The following SLF2 variants were observed in gnomAD, a reference collection of about 807,000 sequenced individuals.
The protein encoded by SLF2 is SMC5-SMC6 complex localization factor protein 2.
Under a neutral mutation model 124.3 loss-of-function variants are expected in SLF2, and 68 were observed. The observed-to-expected ratio is 0.55, with a 90% CI of 0.45 to 0.67. The LOEUF (loss-of-function observed/expected upper bound fraction) is 0.67, where lower values mean the gene tolerates loss of function less well. SLF2 is among the 30% of genes least tolerant of loss of function. SLF2 has a pLI of 0.00. For missense variants in SLF2, 1,246 were observed against 1,373.7 expected (o/e 0.91, Z 1.47); for synonymous variants, 480 against 478.8 (o/e 1.00, Z -0.03).
chr10:100,950,844 T>C (rs1850197597), intron 17 of SLF2, 91 bp downstream of exon 17: 1 of 988,094 alleles, frequency 1.0e-6, no homozygotes, highest in Non-Finnish European at 1.6e-6. Context: ...GAGAAAACTA[T>C]GTAAACTTTT....
chr10:100,959,932 T>C lies in SLF2; in HGVS notation c.3486+436T>C, dbSNP rs530255551. Among the ~76,000 whole-genome samples, 8 of 152,300 alleles carry C rather than the reference T, an allele frequency of 5.3e-5. No homozygotes were observed. The East Asian group carries it at 1.5e-3, about 29-fold the overall frequency. On this transcript the variant is annotated intron_variant, in intron 19 of 19. Coordinates refer to ENST00000238961, the MANE Select transcript of SLF2 (RefSeq NM_018121.4). Reference sequence around the variant, plus strand: ...ACCCATTAGCAGTCATTCATTCCCCTTTCCTCTACTACCTTGGTTCCCCTC... The same window carrying C: ...ACCCATTAGCAGTCATTCATTCCCCCTTCCTCTACTACCTTGGTTCCCCTC...
rs764722668 is a variant in SLF2, at chr10:100,917,321, A to G, written c.915+21A>G. 13 of 1,577,222 alleles carry G rather than the reference A, an allele frequency of 8.2e-6. No homozygotes were observed. The East Asian group carries it at 2.7e-4, about 33-fold the overall frequency. ...ATGTGGTATGTGTAAGAATTATTGA[A>G]TTAGCATTGCTACTGCTATGTCATA... On this transcript the variant is annotated intron_variant, in intron 3 of 19. Coordinates refer to ENST00000238961, the MANE Select transcript of SLF2 (RefSeq NM_018121.4).
chr10:100,925,915 T>C, intron 5 of SLF2, 34 bp from the exon 6 acceptor site: 3 of 1,534,244 alleles, frequency 2.0e-6, no homozygotes, highest in East Asian at 4.5e-5. Context: ...TACTAAGACA[T>C]GTGGTAAAGT....
Position 100,937,452 on chromosome 10 carries a change from A to G in SLF2, c.2487A>G (p.Thr829=), listed in dbSNP as rs369513139. Reference sequence around the variant, plus strand: ...TTGTGTCAGTGCAGATTTTAAGTACATTGATGGAAATAACAATTAGAAATG... The same window carrying G: ...TTGTGTCAGTGCAGATTTTAAGTACGTTGATGGAAATAACAATTAGAAATG... ...DCIVSVQILS[T]LMEITIRNDT... The change falls in exon 10 of 20, where the codon ACA becomes ACG. Residue 829 remains threonine (T), a synonymous_variant. Coordinates refer to ENST00000238961, the MANE Select transcript of SLF2 (RefSeq NM_018121.4). 42 of 1,602,718 alleles carry G rather than the reference A, an allele frequency of 2.6e-5. No homozygotes were observed. Among genetic ancestry groups the G allele is most frequent in the Middle Eastern group, 1.7e-4 (1 of 5,978 alleles).
chr10:100,946,841 A>G (rs1122556), intron 13 of SLF2, among the ~76,000 whole-genome samples, 198 bp from the exon 14 acceptor site: 51,878 of 152,138 alleles, frequency 0.34, 10,487 homozygotes, highest in Middle Eastern at 0.55. Context: ...TGTTCAGTCC[A>G]TTTAAGATAG....
At chr10:100,932,714 TGTGTGTGCGCGCGCGC>T (rs1343804657) in intron 9 of SLF2, among the ~76,000 whole-genome samples, 6 of 92,692 alleles carry the variant, frequency 6.5e-5, no homozygotes, top group African/African-American at 1.7e-4. Flanking sequence ...TGTGTGTGTG[TGTGTGTGCGCGCGCGC>T]GCGCGCGCAC....
At chr10:100,919,001 CTTTTTTTTTTTTTTT>C (rs528512219) in intron 4 of SLF2, among the ~76,000 whole-genome samples, 39 of 105,684 alleles carry the variant, frequency 3.7e-4, no homozygotes, top group Middle Eastern at 8.6e-3. Flanking sequence ...GAAACATAAT[CTTTTTTTTTTTTTTT>C]TTTTTTTTTT....
rs750957414 is a variant in SLF2 at position 100,947,055 on chromosome 10, T to C, written c.2951T>C (p.Leu984Pro). 6 of 1,613,606 alleles carry C rather than the reference T, an allele frequency of 3.7e-6. No individual in the cohort carries two copies. Among genetic ancestry groups the C allele is most frequent in the Non-Finnish European group, 5.1e-6 (6 of 1,179,700 alleles). The change falls in exon 14 of 20, where the codon CTG becomes CCG. Residue 984 changes from leucine to proline, a missense_variant. Coordinates refer to ENST00000238961, the MANE Select transcript of SLF2 (RefSeq NM_018121.4). ...TTTTTTCAGGTGCCTGAACTCTGTC[T>C]GGGCATAAATGAACTCTCCAGTCAT... The part of the protein sequence containing the change: ...DWNTKVPELC[L>P]GINELSSHPH...
intron 10 of SLF2, among the ~76,000 whole-genome samples, chr10:100,938,168 G>A (rs908998658): frequency 3.9e-5 from 6 of 152,180 alleles, no homozygotes; most frequent in African/African-American, 1.2e-4. Context: ...CACTGTAAAA[G>A]TGTAACATTT....
intron 9 of SLF2, among the ~76,000 whole-genome samples, chr10:100,932,296 A>G (rs1330243647): frequency 6.6e-6 from 1 of 152,144 alleles, no homozygotes; most frequent in Non-Finnish European, 1.5e-5. Flanking sequence ...TGAGTGTTCC[A>G]CTTTAATAAA....
rs1849404629 is a variant in SLF2 at position 100,915,930 on chromosome 10, C to T, written c.141-69C>T. 3 of 1,183,544 alleles carry T rather than the reference C, an allele frequency of 2.5e-6. No homozygotes were observed. In the South Asian group the frequency reaches 3.8e-5, roughly 15 times the overall value. 73.3% of individuals were successfully genotyped at this position (1,183,544 alleles called of 1,614,324 possible). A position where few individuals can be genotyped will look rare whatever the true frequency, so the allele number is the denominator to read the frequency against. On this transcript the variant is annotated intron_variant, in intron 1 of 19. Transcript: ENST00000238961. ...CAGCCTTTATTTTATAAATCTTTCT[C>T]CATTTAATCTGAGTTATGAAGGTTT...
In SLF2 at chr10:100,957,330, ATTTTTTTTTTTTTTT is replaced by A. The variant is rs71013477; in HGVS notation, c.3417+816_3417+830del. ...AATATGTTAAAGGAAGGAGTCTTCA[ATTTTTTTTTTTTTTT>A]TTTTTTTTTTTTTTTTTTTTTTGAG... On this transcript the variant is annotated intron_variant, in intron 18 of 19. Transcript: ENST00000238961. 6.1e-4 allele frequency among the ~76,000 whole-genome samples: 56 copies of A among 91,854 alleles called. No homozygotes were observed. The South Asian group carries it at 0.015, about 24-fold the overall frequency. The allele number at this position is 91,854 out of a possible 152,430, so 60.3% of individuals were successfully genotyped here.
At chr10:100,954,260 A>G (rs1850282590) in intron 17 of SLF2, among the ~76,000 whole-genome samples, 2 of 152,120 alleles carry the variant, frequency 1.3e-5, no homozygotes, top group Non-Finnish European at 2.9e-5. Flanking sequence ...CTTGTCTCAA[A>G]AAAATATATA....
chr10:100,932,995 T>C (rs890563535), intron 9 of SLF2, among the ~76,000 whole-genome samples: 4 of 152,148 alleles, frequency 2.6e-5, no homozygotes, highest in Non-Finnish European at 5.9e-5. Flanking sequence ...CAGTTTTCAG[T>C]GAGACTCTTG....
chr10:100,929,295 T>A (rs1289614650), intron 6 of SLF2, 22 bp from the exon 7 acceptor site: 4 of 1,593,554 alleles, frequency 2.5e-6, no homozygotes, highest in Middle Eastern at 1.7e-4. Flanking sequence ...TAAACTGTTA[T>A]AACATTCTTT....
chr10:100,937,346 T>A, intron 9 of SLF2, 56 bp from the exon 10 acceptor site: 1 of 1,352,264 alleles, frequency 7.4e-7, no homozygotes, highest in Non-Finnish European at 1.1e-6. Context: ...TAGCAAATAA[T>A]GAATGTTTGT....
chr10:100,951,951 T>TAGGTCGGACATGCCGGGCACGGTGGCAC (rs1391861494), intron 17 of SLF2, among the ~76,000 whole-genome samples: 3 of 152,162 alleles, frequency 2.0e-5, no homozygotes, highest in Non-Finnish European at 4.4e-5. Flanking sequence ...TTTTAAAACT[T>TAGGTCGGACATGCCGGGCACGGTGGCAC]AGGTCGGACA....
intron 9 of SLF2, among the ~76,000 whole-genome samples, chr10:100,932,710 TGTGTGTGTGTGC>T (rs753692154): frequency 0.017 from 1,521 of 88,468 alleles, 18 homozygotes; most frequent in African/African-American, 0.04. Flanking sequence ...TGTGTGTGTG[TGTGTGTGTGTGC>T]GCGCGCGCGC....
chr10:100,954,277 C>A (rs2133826545), intron 17 of SLF2, among the ~76,000 whole-genome samples: 1 of 152,008 alleles, frequency 6.6e-6, no homozygotes, highest in South Asian at 2.1e-4. Context: ...TATAAAAAAT[C>A]AAATATTTGT....
Sources: allele counts gnomAD v4.1 joint callset (sites outside exome capture counted in the v4.1 genomes callset), GRCh38; gene constraint gnomAD v4.1.1; transcripts MANE v1.5; gene names NCBI Gene and HGNC (gene_info 2026-07-23, HGNC 2026-07-21).